The following DLX5 variants were observed in gnomAD, a reference collection of about 807,000 sequenced individuals.
The protein encoded by DLX5 is distal-less homeobox 5, also known as homeobox protein DLX-5.
Under a neutral mutation model 27.1 loss-of-function variants are expected in DLX5, and 8 were observed. The observed-to-expected ratio is 0.30, with a 90% CI of 0.17 to 0.53. DLX5 has a LOEUF of 0.53. Among genes scored for constraint, DLX5 ranks in the 20% least tolerant of loss-of-function variants. DLX5 has a pLI of 0.95. For missense variants in DLX5, 339 were observed against 375.1 expected, an observed-to-expected ratio of 0.90 and a Z score of 0.80; for synonymous variants, 178 against 161.9, an observed-to-expected ratio of 1.10 and a Z score of -0.75.
At chr7:97,022,750 A>T (rs1790097293) in intron 1 of DLX5, 1 of 250,874 alleles carries the variant, frequency 4.0e-6, no homozygotes, top group Non-Finnish European at 6.3e-6. Flanking sequence ...GCCCCTCCCC[A>T]GGCTTCAAGG....
At chr7:97,022,036 C>T (rs533107446) in intron 2 of DLX5, 149 bp downstream of exon 2, 79 of 902,688 alleles carry the variant, frequency 8.8e-5, no homozygotes, top group Non-Finnish European at 1.3e-4. Context: ...CCTGACTCAC[C>T]GAGTTAAAGC....
At chr7:97,022,555 A>G (rs1790092663) in intron 1 of DLX5, 186 bp from the exon 2 acceptor site, 1 of 985,462 alleles carries the variant, frequency 1.0e-6, no homozygotes, top group Non-Finnish European at 1.2e-6. Context: ...AAAGCGGGAT[A>G]GCCTCTGATT....
At chr7:97,023,281 C>A (rs967970621) in intron 1 of DLX5, among the ~76,000 whole-genome samples, 2 of 151,698 alleles carry the variant, frequency 1.3e-5, no homozygotes, top group African/African-American at 2.4e-5. Flanking sequence ...CCTGGGGCTA[C>A]AACTCCCCTT....
chr7:97,021,028 T>C lies in DLX5; in HGVS notation c.578A>G (p.Lys193Arg). ...IWFQNKRSKI[K>R]KIMKNGEMPP... ...CATCTCCCCGTTTTTCATGATCTTC[T>C]TGATCTTGGATCTTTTGTTCTGAAA... is the stretch of plus-strand genomic sequence containing the variant. Residue 193 changes from lysine to arginine, a missense_variant, in exon 3 of 3, where the codon AAG (lysine) becomes AGG (arginine). Transcript: ENST00000648378. 6.2e-7 allele frequency: 1 copy of C among 1,613,054 alleles called. No individual in the cohort carries two copies. Among genetic ancestry groups the C allele is most frequent in the East Asian group, 2.2e-5 (1 of 44,868 alleles).
chr7:97,022,652 C>A (rs1001709036), intron 1 of DLX5: 2 of 962,510 alleles, frequency 2.1e-6, no homozygotes, highest in Non-Finnish European at 2.5e-6. Context: ...TCAGCTCTTG[C>A]GGTCGTTGCT....
rs778003408 is a variant in DLX5, at chr7:97,020,728, C to T, written c.*8G>A. 29 of 1,552,872 alleles carry T rather than the reference C, an allele frequency of 1.9e-5. No homozygotes were observed. Among genetic ancestry groups the T allele is most frequent in the South Asian group, 2.4e-5 (2 of 82,866 alleles). ...TCCCAAAAAAGAGAGTAAGAGAGAG[C>T]AGCCCATCTAATAGAGTGTCCCGGA... On this transcript the variant is annotated 3_prime_UTR_variant, in exon 3 of 3. Coordinates refer to ENST00000648378, the MANE Select transcript of DLX5 (RefSeq NM_005221.6).
At position 97,024,372 on chromosome 7, in the gene DLX5, G is replaced by C. The variant is rs61753628; in HGVS notation, c.252C>G (p.Ala84=). ...QYQYHGVNGS[A]GSYPAKAYAD... ...CATAAGCTTTGGCTGGGTAGCTCCC[G>C]GCGGAGCCGTTCACGCCGTGATACT... The change falls in exon 1 of 3, where the codon GCC becomes GCG. Residue 84 remains alanine (A), a synonymous_variant. Transcript: ENST00000648378. This position sits in a 1 kb window ranked among gnomAD's most constrained non-coding sequence, Gnocchi z 4.6. 1.0e-3 allele frequency: 1,680 copies of C among 1,614,248 alleles called. 2 individuals carry two copies. Among genetic ancestry groups the C allele is most frequent in the Middle Eastern group, 2.3e-3 (14 of 6,062 alleles).
chr7:97,024,153 T>A lies in DLX5; in HGVS notation c.355+116A>T, dbSNP rs1790134295. 1.1e-6 allele frequency: 1 copy of A among 945,314 alleles called. No individual in the cohort carries two copies. The highest frequency in any genetic ancestry group is 1.7e-5 in the South Asian group (1 of 58,160). The allele number at this position is 945,314 out of a possible 1,614,324, so 58.6% of individuals were successfully genotyped here. ...GGAGGGTCTGAGTCCTACTCCCTTC[T>A]GCCGCGTGCGCCCCCACTGCCGTGA... On this transcript the variant is annotated intron_variant, in intron 1 of 2. Coordinates refer to ENST00000648378, the MANE Select transcript of DLX5 (RefSeq NM_005221.6). The surrounding 1 kb of genome is among the most constrained non-coding windows in gnomAD (Gnocchi z 4.6).
In DLX5 at chr7:97,024,276, G is replaced by A. The variant is rs763398794; in HGVS notation, c.348C>T (p.Asn116=). 2.5e-6 allele frequency: 4 copies of A among 1,613,222 alleles called. No homozygotes were observed. The South Asian group carries it at 3.3e-5, about 13-fold the overall frequency. The stretch of plus-strand genomic sequence containing the variant: ...TTCCCCCTGTCCATGTACCTGGCTG[G>A]TTGGTGGCGCTTGGGACGCGGTTGT... ...GAYNRVPSAT[N]QPEKEVTEPE... is the part of the protein sequence containing the mutation. Residue 116 remains asparagine (N), a synonymous_variant, in exon 1 of 3, where the codon AAC becomes AAT. Transcript: ENST00000648378. The surrounding 1 kb of genome is among the most constrained non-coding windows in gnomAD (Gnocchi z 4.6).
In DLX5 at chr7:97,024,348, A is replaced by G. The variant is rs1221605189; in HGVS notation, c.276T>C (p.Tyr92=). ...AGGAGCTAGCGTAGCTATAGTCGGC[A>G]TAAGCTTTGGCTGGGTAGCTCCCGG... is the stretch of plus-strand genomic sequence containing the variant. ...GSAGSYPAKA[Y]ADYSYASSYH... Residue 92 remains tyrosine, a synonymous_variant, in exon 1 of 3, where the codon TAT becomes TAC. Coordinates refer to ENST00000648378, the MANE Select transcript of DLX5 (RefSeq NM_005221.6). This position sits in a 1 kb window ranked among gnomAD's most constrained non-coding sequence, Gnocchi z 4.6. 1.1e-5 allele frequency: 18 copies of G among 1,614,126 alleles called. No individual in the cohort carries two copies. The Admixed American group carries it at 1.2e-4, about 10-fold the overall frequency.
Position 97,020,715 on chromosome 7 carries a change from G to C in DLX5, c.*21C>G, listed in dbSNP as rs200468189. The C allele has an allele frequency of 7.2e-6, 11 of 1,533,068 alleles. No individual in the cohort carries two copies. Among genetic ancestry groups the C allele is most frequent in the African/African-American group, 2.8e-5 (2 of 72,390 alleles). The allele number at this position is 1,533,068 out of a possible 1,614,324, so 95.0% of individuals were successfully genotyped here. Reference sequence around the variant, plus strand: ...CAAAACACAGTAGTCCCAAAAAAGAGAGTAAGAGAGAGCAGCCCATCTAAT... The same window carrying C: ...CAAAACACAGTAGTCCCAAAAAAGACAGTAAGAGAGAGCAGCCCATCTAAT... On this transcript the variant is annotated 3_prime_UTR_variant, in exon 3 of 3. Transcript: ENST00000648378.
rs921422739 is a variant in DLX5 at position 97,024,293 on chromosome 7, C to G, written c.331G>C (p.Val111Leu). The change falls in exon 1 of 3, where the codon GTC becomes CTC. Residue 111 changes from valine (V) to leucine (L), a missense_variant. By Grantham distance (32) the Val-to-Leu change is conservative (BLOSUM62 1). Transcript: ENST00000648378. The surrounding 1 kb of genome is among the most constrained non-coding windows in gnomAD (Gnocchi z 4.6). ...YHQYGGAYNRVPSATNQPEKE... is the reference protein window; with the variant it reads ...YHQYGGAYNRLPSATNQPEKE... ...CCTGGCTGGTTGGTGGCGCTTGGGA[C>G]GCGGTTGTAGGCGCCGCCGTACTGG... The G allele has an allele frequency of 1.9e-6, 3 of 1,613,508 alleles. No individual in the cohort carries two copies. Among genetic ancestry groups the G allele is most frequent in the Admixed American group, 1.7e-5 (1 of 59,984 alleles).
intron 1 of DLX5, among the ~76,000 whole-genome samples, chr7:97,023,531 C>T (rs1313666685): frequency 6.6e-6 from 1 of 152,000 alleles, no homozygotes; most frequent in Non-Finnish European, 1.5e-5. Context: ...TTTCTCTTAC[C>T]GCCCAAGCTC....
chr7:97,021,190 C>G, intron 2 of DLX5, 125 bp from the exon 3 acceptor site: 1 of 894,542 alleles, frequency 1.1e-6, no homozygotes, highest in Non-Finnish European at 1.7e-6. Context: ...CGTCTCCCCG[C>G]CGCTTGCGGC....
rs1422981819 is a variant in DLX5 at position 97,024,454 on chromosome 7, C to A, written c.170G>T (p.Gly57Val). 1 of 1,614,250 alleles carries A rather than the reference C, an allele frequency of 6.2e-7. No individual in the cohort carries two copies. The highest frequency in any genetic ancestry group is 1.3e-5 in the African/African-American group (1 of 75,066). Residue 57 changes from glycine (G) to valine (V), a missense_variant, in exon 1 of 3, where the codon GGC becomes GTC. Coordinates refer to ENST00000648378, the MANE Select transcript of DLX5 (RefSeq NM_005221.6). The surrounding 1 kb of genome is among the most constrained non-coding windows in gnomAD (Gnocchi z 4.6). ...GGAAGCCGAGGTAGGAGAGCAGTAG[C>A]CGTGCGGGGCTCCCCCCGTAGGGCT... is the stretch of plus-strand genomic sequence containing the variant. ...YYSPTGGAPH[G>V]YCSPTSASYG...
Position 97,024,686 on chromosome 7 carries a change from C to T in DLX5, c.-63G>A. The T allele has an allele frequency of 3.6e-6, 5 of 1,401,380 alleles. No homozygotes were observed. The highest frequency in any genetic ancestry group is 4.9e-6 in the Non-Finnish European group (5 of 1,016,004). The allele number at this position is 1,401,380 out of a possible 1,614,324, so 86.8% of individuals were successfully genotyped here. A position where few individuals can be genotyped will look rare whatever the true frequency, so the allele number is the denominator to read the frequency against. ...TGGCGGCGGCAGCTGCCCTAGTTGGCTGTGGGGCTGCTCTGGTCTAAGCAG... is the reference window on the plus strand; with the variant it reads ...TGGCGGCGGCAGCTGCCCTAGTTGGTTGTGGGGCTGCTCTGGTCTAAGCAG... On this transcript the variant is annotated 5_prime_UTR_variant, in exon 1 of 3. Transcript: ENST00000648378. The surrounding 1 kb of genome is among the most constrained non-coding windows in gnomAD (Gnocchi z 4.6).
chr7:97,022,152 G>A (rs1790081511), intron 2 of DLX5, 33 bp downstream of exon 2: 3 of 1,612,566 alleles, frequency 1.9e-6, no homozygotes, highest in African/African-American at 2.7e-5. Context: ...GTGCAGCTCA[G>A]GCAGGTCTAG....
At chr7:97,021,474 T>A (rs532092789) in intron 2 of DLX5, among the ~76,000 whole-genome samples, 2 of 152,266 alleles carry the variant, frequency 1.3e-5, no homozygotes, top group East Asian at 3.9e-4. Flanking sequence ...TGGGGCGGGC[T>A]ACGCGCGCCT....
chr7:97,022,239 G>A lies in DLX5; in HGVS notation c.486C>T (p.Leu162=). The change falls in exon 2 of 3, where the codon CTC becomes CTT. Residue 162 remains leucine, a synonymous_variant. Coordinates refer to ENST00000648378, the MANE Select transcript of DLX5 (RefSeq NM_005221.6). ...LQRRFQKTQY[L]ALPERAELAA... ...CCAGCTCGGCGCGTTCCGGCAAGGC[G>A]AGGTACTGAGTCTTCTGAAACCTTC... The A allele has an allele frequency of 1.9e-6, 3 of 1,614,222 alleles. No homozygotes were observed. The highest frequency in any genetic ancestry group is 2.5e-6 in the Non-Finnish European group (3 of 1,180,042).
Sources: allele counts gnomAD v4.1 joint callset (sites outside exome capture counted in the v4.1 genomes callset), GRCh38; gene constraint gnomAD v4.1.1; non-coding constraint Gnocchi (gnomAD v3.1); transcripts MANE v1.5; gene names NCBI Gene and HGNC (gene_info 2026-07-23, HGNC 2026-07-21).